ERBB4: variants seen among roughly 807,000 people sequenced by gnomAD.
The protein encoded by ERBB4 is erb-b2 receptor tyrosine kinase 4.
ERBB4 carries 42 observed loss-of-function variants against 158.0 expected under a neutral mutation model. The ratio of observed to expected loss-of-function variants is 0.27; its 90% confidence interval spans 0.21 to 0.34. The LOEUF (loss-of-function observed/expected upper bound fraction) is 0.34, where lower values mean the gene tolerates loss of function less well. ERBB4 is among the 10% of genes least tolerant of loss of function. ERBB4 has a pLI of 1.00. For synonymous variants in ERBB4, 583 were observed against 558.7 expected, an observed-to-expected ratio of 1.04 and a Z score of -0.61; for missense variants, 1,333 against 1,624.1, an observed-to-expected ratio of 0.82 and a Z score of 3.08.
chr2:211,760,208 AGATGAG>A (rs1455308833), intron 4 of ERBB4, among the ~76,000 whole-genome samples: 9 of 152,232 alleles, frequency 5.9e-5, no homozygotes, highest in African/African-American at 2.2e-4. Flanking sequence ...GATCTGAAAT[AGATGAG>A]GGGATTTGTA....
intron 19 of ERBB4, among the ~76,000 whole-genome samples, chr2:211,606,330 G>A (rs960436241): frequency 1.3e-5 from 2 of 151,984 alleles, no homozygotes; most frequent in African/African-American, 4.8e-5. Flanking sequence ...AGTACATAGA[G>A]AGTTCCTGTA....
chr2:212,083,674 AATAGGTTGACAAC>A (rs1361685570), intron 2 of ERBB4, among the ~76,000 whole-genome samples: 3 of 151,934 alleles, frequency 2.0e-5, no homozygotes, highest in Non-Finnish European at 4.4e-5. Context: ...AACCTGGCAA[AATAGGTTGACAAC>A]ATAGGATTGC....
intron 27 of ERBB4, among the ~76,000 whole-genome samples, chr2:211,384,912 A>G (rs912438401): frequency 6.6e-6 from 1 of 152,114 alleles, no homozygotes. Context: ...AATAATTATC[A>G]CCATTCTCCT....
At chr2:211,981,971 C>T (rs1456349945) in intron 2 of ERBB4, among the ~76,000 whole-genome samples, 3 of 151,914 alleles carry the variant, frequency 2.0e-5, no homozygotes, top group African/African-American at 7.3e-5. Context: ...AGTTTTATAC[C>T]ATATTTTGGA....
intron 2 of ERBB4, among the ~76,000 whole-genome samples, chr2:212,018,986 T>C (rs1015075051): frequency 6.6e-6 from 1 of 151,982 alleles, no homozygotes; most frequent in Middle Eastern, 3.2e-3. Flanking sequence ...TTATGGGAGC[T>C]CATAACTACT....
intron 25 of ERBB4, among the ~76,000 whole-genome samples, chr2:211,417,315 A>T (rs1317786130): frequency 7.2e-6 from 1 of 138,954 alleles, no homozygotes; most frequent in Non-Finnish European, 1.6e-5. Context: ...TCTACAAAAA[A>T]ATATAAAAAA....
At chr2:212,495,838 T>C (rs1304857154) in intron 1 of ERBB4, among the ~76,000 whole-genome samples, 7 of 152,330 alleles carry the variant, frequency 4.6e-5, no homozygotes, top group African/African-American at 1.7e-4. Flanking sequence ...AAGATAACGG[T>C]GTAATATGTA....
intron 4 of ERBB4, among the ~76,000 whole-genome samples, chr2:211,760,833 A>G (rs956956930): frequency 6.6e-6 from 1 of 152,230 alleles, no homozygotes; most frequent in Non-Finnish European, 1.5e-5. Flanking sequence ...ACAGCGCAGT[A>G]GGTATTTTAT....
intron 1 of ERBB4, among the ~76,000 whole-genome samples, chr2:212,228,885 A>G (rs1333519578): frequency 6.6e-6 from 1 of 152,218 alleles, no homozygotes; most frequent in Non-Finnish European, 1.5e-5. Context: ...ATAAATTTCA[A>G]CAAATTGGAT....
At chr2:211,618,658 TATTATTTGTGA>T (rs1243173482) in intron 19 of ERBB4, among the ~76,000 whole-genome samples, 2 of 152,252 alleles carry the variant, frequency 1.3e-5, no homozygotes, top group African/African-American at 4.8e-5. Context: ...ATAAGTAAAT[TATTATTTGTGA>T]ATTATTTGTA....
At chr2:211,580,457 C>T (rs971775524) in intron 19 of ERBB4, among the ~76,000 whole-genome samples, 1 of 151,980 alleles carries the variant, frequency 6.6e-6, no homozygotes, top group Non-Finnish European at 1.5e-5. Context: ...TACCACCTTA[C>T]TCCTACAAGA....
chr2:211,634,702 T>C (rs1322947705), intron 16 of ERBB4, among the ~76,000 whole-genome samples: 3 of 152,054 alleles, frequency 2.0e-5, no homozygotes, highest in Admixed American at 6.6e-5. Flanking sequence ...TTAGATGGAG[T>C]CTTGCTCTGT....
At chr2:212,005,235 T>C (rs2076232342) in intron 2 of ERBB4, among the ~76,000 whole-genome samples, 2 of 152,202 alleles carry the variant, frequency 1.3e-5, no homozygotes, top group African/African-American at 4.8e-5. Flanking sequence ...TAGCTGGAGT[T>C]AGCCATAAAG....
chr2:211,842,685 G>T (rs532572674), intron 3 of ERBB4, among the ~76,000 whole-genome samples: 77 of 151,774 alleles, frequency 5.1e-4, no homozygotes, highest in Non-Finnish European at 1.0e-3. Flanking sequence ...CTCACCTCCC[G>T]CCACTGACAC....
intron 1 of ERBB4, among the ~76,000 whole-genome samples, chr2:212,252,356 C>T (rs1036467705): frequency 2.6e-5 from 4 of 152,008 alleles, no homozygotes; most frequent in Non-Finnish European, 4.4e-5. Flanking sequence ...ATTTTGGTGT[C>T]ATGAAAGCCA....
chr2:211,802,050 G>C lies in ERBB4; in HGVS notation c.422-13891C>G, dbSNP rs565622383. On this transcript the variant is annotated intron_variant, in intron 3 of 27. Transcript: ENST00000342788. Reference sequence around the variant, plus strand: ...CGAGGCGGGCGGATCACGAGGTCAGGAGATCGAGACCATCCTGGCTAACAC... The same window carrying C: ...CGAGGCGGGCGGATCACGAGGTCAGCAGATCGAGACCATCCTGGCTAACAC... Among the ~76,000 whole-genome samples, 1,059 of 152,276 alleles carry C rather than the reference G, an allele frequency of 7.0e-3. 8 individuals carry two copies. Among genetic ancestry groups the C allele is most frequent in the Admixed American group, 0.02 (307 of 15,302 alleles).
chr2:212,144,203 A>G (rs1429497192), intron 1 of ERBB4, among the ~76,000 whole-genome samples: 1 of 152,134 alleles, frequency 6.6e-6, no homozygotes, highest in Non-Finnish European at 1.5e-5. Context: ...GTGAATTCTC[A>G]AATGATATGT....
At chr2:212,250,132 C>A (rs2084476841) in intron 1 of ERBB4, among the ~76,000 whole-genome samples, 1 of 151,920 alleles carries the variant, frequency 6.6e-6, no homozygotes, top group South Asian at 2.1e-4. Flanking sequence ...AAGAAAAATA[C>A]TTTAGATGTT....
intron 1 of ERBB4, among the ~76,000 whole-genome samples, chr2:212,404,814 C>T (rs1423744649): frequency 6.6e-6 from 1 of 152,032 alleles, no homozygotes; most frequent in Non-Finnish European, 1.5e-5. Context: ...TCTCCACTCT[C>T]AAGTAGTCCC....
Sources: allele counts gnomAD v4.1 joint callset (sites outside exome capture counted in the v4.1 genomes callset), GRCh38; gene constraint gnomAD v4.1.1; transcripts MANE v1.5; gene names NCBI Gene and HGNC (gene_info 2026-07-23, HGNC 2026-07-21).